Variants in CHST11 observed in about 807,000 individuals in gnomAD.
The protein encoded by CHST11 is C4S-1.
A neutral mutation model predicts 30.4 loss-of-function variants in CHST11; 9 were observed. That is an observed-to-expected ratio of 0.30 (90% CI 0.18 to 0.52). The LOEUF (loss-of-function observed/expected upper bound fraction) is 0.52, where lower values mean the gene tolerates loss of function less well. Ranked by LOEUF, CHST11 falls within the 20% of genes least tolerant of loss-of-function variation. The pLI is 0.97. For missense variants in CHST11, 348 were observed against 460.6 expected (o/e 0.76, Z 2.24); for synonymous variants, 152 against 187.8 (o/e 0.81, Z 1.56).
At chr12:104,642,412 A>T (rs531980773) in intron 2 of CHST11, among the ~76,000 whole-genome samples, 6 of 152,158 alleles carry the variant, frequency 3.9e-5, no homozygotes, top group Non-Finnish European at 8.8e-5. Flanking sequence ...TGATTTTTTT[A>T]AATTTTGAGA....
intron 2 of CHST11, among the ~76,000 whole-genome samples, chr12:104,713,524 G>A (rs1331487876): frequency 6.6e-6 from 1 of 152,158 alleles, no homozygotes; most frequent in East Asian, 1.9e-4. Flanking sequence ...TCTGTATGAA[G>A]ATAAAAGATC....
At chr12:104,470,547 A>T (rs2037499004) in intron 1 of CHST11, among the ~76,000 whole-genome samples, 1 of 152,228 alleles carries the variant, frequency 6.6e-6, no homozygotes, top group South Asian at 2.1e-4. Context: ...CAGTCAAACC[A>T]TATCAAACCC....
intron 2 of CHST11, among the ~76,000 whole-genome samples, chr12:104,671,180 G>C (rs1225624572): frequency 1.3e-5 from 2 of 152,166 alleles, no homozygotes; most frequent in Non-Finnish European, 1.5e-5. Context: ...CTAGTCTGCT[G>C]GCCATGGGCA....
chr12:104,610,785 A>C lies in CHST11; in HGVS notation c.204+8794A>C, dbSNP rs565924095. Among the ~76,000 whole-genome samples, 36 of 152,300 alleles carry C rather than the reference A, an allele frequency of 2.4e-4. 1 individual carries two copies. Among genetic ancestry groups the C allele is most frequent in the African/African-American group, 8.7e-4 (36 of 41,572 alleles). Reference sequence around the variant, plus strand: ...AGTCTGTGGGTCTGATGGACCACGCAGATCTCGGGAGAGTTTCCACCCCAT... The same window carrying C: ...AGTCTGTGGGTCTGATGGACCACGCCGATCTCGGGAGAGTTTCCACCCCAT... On this transcript the variant is annotated intron_variant, in intron 2 of 2. Coordinates refer to ENST00000303694, the MANE Select transcript of CHST11 (RefSeq NM_018413.6).
intron 1 of CHST11, among the ~76,000 whole-genome samples, chr12:104,585,306 G>A (rs2038792667): frequency 6.6e-6 from 1 of 152,214 alleles, no homozygotes. Flanking sequence ...AACGCCTTCT[G>A]TCTGTTAACT....
intron 1 of CHST11, among the ~76,000 whole-genome samples, chr12:104,561,225 C>A (rs2038510947): frequency 6.6e-6 from 1 of 152,230 alleles, no homozygotes; most frequent in African/African-American, 2.4e-5. Context: ...ACTAAACAGT[C>A]CTGACATGGC....
intron 2 of CHST11, among the ~76,000 whole-genome samples, chr12:104,737,545 C>T (rs2040311613): frequency 1.3e-5 from 2 of 152,208 alleles, no homozygotes; most frequent in African/African-American, 4.8e-5. Flanking sequence ...GTCTGGCCAC[C>T]TTGGGGTCAT....
intron 2 of CHST11, among the ~76,000 whole-genome samples, chr12:104,716,990 G>A (rs552079001): frequency 7.2e-5 from 11 of 152,248 alleles, no homozygotes; most frequent in Admixed American, 2.0e-4. Context: ...CCTCAGAGCC[G>A]GCAATGGCCA....
intron 2 of CHST11, among the ~76,000 whole-genome samples, chr12:104,715,980 T>G (rs982793455): frequency 6.6e-6 from 1 of 152,142 alleles, no homozygotes; most frequent in Non-Finnish European, 1.5e-5. Flanking sequence ...GAACAGTCAG[T>G]AAAGGCCTGT....
chr12:104,559,616 G>A (rs1383538548), intron 1 of CHST11, among the ~76,000 whole-genome samples: 5 of 152,126 alleles, frequency 3.3e-5, no homozygotes, highest in South Asian at 2.1e-4. Context: ...GGTGGTGGGC[G>A]CCTGTAATCC....
At chr12:104,718,045 C>T (rs1300779887) in intron 2 of CHST11, among the ~76,000 whole-genome samples, 2 of 152,204 alleles carry the variant, frequency 1.3e-5, no homozygotes. Context: ...GAGCCCCTCC[C>T]ACGTGCCAGC....
chr12:104,617,990 C>T (rs1273830411), intron 2 of CHST11, among the ~76,000 whole-genome samples: 1 of 151,166 alleles, frequency 6.6e-6, no homozygotes, highest in African/African-American at 2.4e-5. Context: ...CTCACTGCAA[C>T]CTCCACCTCT....
At chr12:104,726,533 G>A (rs2040218057) in intron 2 of CHST11, among the ~76,000 whole-genome samples, 1 of 152,160 alleles carries the variant, frequency 6.6e-6, no homozygotes, top group Non-Finnish European at 1.5e-5. Context: ...AAATCCCAGT[G>A]ATCATGGACC....
chr12:104,585,120 C>T (rs12828719), intron 1 of CHST11, among the ~76,000 whole-genome samples: 1 of 152,334 alleles, frequency 6.6e-6, no homozygotes, highest in Non-Finnish European at 1.5e-5. Flanking sequence ...GAAGCCCCAG[C>T]TCTGTTACTG....
intron 2 of CHST11, among the ~76,000 whole-genome samples, chr12:104,701,046 C>A (rs1333598197): frequency 6.6e-6 from 1 of 152,072 alleles, no homozygotes; most frequent in African/African-American, 2.4e-5. Context: ...AGGAGCTGGA[C>A]AGGCAAAATA....
intron 2 of CHST11, among the ~76,000 whole-genome samples, chr12:104,715,859 C>T (rs952820267): frequency 2.0e-5 from 3 of 152,148 alleles, no homozygotes; most frequent in Non-Finnish European, 2.9e-5. Context: ...TCGTGTGTGT[C>T]GCGCCTTTCT....
intron 2 of CHST11, among the ~76,000 whole-genome samples, chr12:104,613,842 A>G (rs1419782198): frequency 2.0e-5 from 3 of 152,208 alleles, no homozygotes; most frequent in African/African-American, 4.8e-5. Context: ...TATATGTAGA[A>G]TCTAAAAAGG....
At chr12:104,485,939 G>A (rs182095741) in intron 1 of CHST11, among the ~76,000 whole-genome samples, 5 of 152,310 alleles carry the variant, frequency 3.3e-5, no homozygotes, top group Non-Finnish European at 7.3e-5. Flanking sequence ...GCCTTTGCAC[G>A]GCCTGCTTGG....
At chr12:104,537,726 C>CA (rs11407024) in intron 1 of CHST11, among the ~76,000 whole-genome samples, 78,253 of 138,156 alleles carry the variant, frequency 0.57, 23,141 homozygotes, top group East Asian at 0.97. Context: ...GACAGGGTCT[C>CA]ACTCTGTTCC....
Sources: allele counts gnomAD v4.1 joint callset (sites outside exome capture counted in the v4.1 genomes callset), GRCh38; gene constraint gnomAD v4.1.1; transcripts MANE v1.5; gene names NCBI Gene and HGNC (gene_info 2026-07-23, HGNC 2026-07-21).